The following DGKI variants were observed in gnomAD, a reference collection of about 807,000 sequenced individuals.
DGKI encodes the protein DAG kinase iota.
Under a neutral mutation model 147.5 loss-of-function variants are expected in DGKI, and 55 were observed. That is an observed-to-expected ratio of 0.37 (90% CI 0.30 to 0.47). DGKI has a LOEUF of 0.47. DGKI is among the 20% of genes least tolerant of loss of function. The pLI, the probability that DGKI is intolerant of heterozygous loss-of-function variation, is 1.00. For synonymous variants in DGKI, 469 were observed against 477.1 expected (o/e 0.98, Z 0.22); for missense variants, 1,007 against 1,323.8 (o/e 0.76, Z 3.71).
intron 1 of DGKI, among the ~76,000 whole-genome samples, chr7:137,792,786 C>T (rs149891880): frequency 5.5e-4 from 84 of 152,318 alleles, no homozygotes; most frequent in Admixed American, 1.8e-3. Flanking sequence ...CTCCCTCTTT[C>T]ACCATGTGAC....
Position 137,846,590 on chromosome 7 carries a change from G to A in DGKI, c.273C>T (p.Gly91=), listed in dbSNP as rs772268017. Reference sequence around the variant, plus strand: ...CCCCCGCCGCCGCGGCTGACCCTGCGCCCCGCGGGTCCGCGCCGCCCTCGG... The same window carrying A: ...CCCCCGCCGCCGCGGCTGACCCTGCACCCCGCGGGTCCGCGCCGCCCTCGG... The part of the protein sequence containing the change: ...LGAEGGADPR[G]AGSAAAAGAA... The change falls in exon 1 of 33, where the codon GGC becomes GGT. Residue 91 remains glycine (G), a synonymous_variant. Transcript: ENST00000614521. The surrounding 1 kb of genome is among the most constrained non-coding windows in gnomAD (Gnocchi z 4.0). 8.4e-7 allele frequency: 1 copy of A among 1,192,192 alleles called. No individual in the cohort carries two copies. The highest frequency in any genetic ancestry group is 2.7e-5 in the South Asian group (1 of 36,548). 73.9% of individuals were successfully genotyped at this position (1,192,192 alleles called of 1,614,324 possible).
In DGKI at chr7:137,381,102, A is replaced by G. The variant is rs940519502; in HGVS notation, c.*10118T>C. ...CACAATACAGAAAAAGTGTCCAAAA[A>G]GTAACTGTAACTAGTCAATTTCTTT... On this transcript the variant is annotated 3_prime_UTR_variant, in exon 33 of 33. Coordinates refer to ENST00000614521, the MANE Select transcript of DGKI (RefSeq NM_001321708.2). The G allele has an allele frequency of 2.0e-5, 3 of 152,156 alleles. No homozygotes were observed. The highest frequency in any genetic ancestry group is 4.4e-5 in the Non-Finnish European group (3 of 68,002). 9.4% of individuals were successfully genotyped at this position (152,156 alleles called of 1,614,324 possible). A position where few individuals can be genotyped will look rare whatever the true frequency, so the allele number is the denominator to read the frequency against.
intron 21 of DGKI, among the ~76,000 whole-genome samples, chr7:137,511,822 T>G (rs1816590204): frequency 6.6e-6 from 1 of 152,206 alleles, no homozygotes; most frequent in Non-Finnish European, 1.5e-5. Flanking sequence ...AGCTGAGTCC[T>G]TCTCCAGAAA....
chr7:137,466,880 A>G (rs1814681189), intron 25 of DGKI, 22 bp downstream of exon 25: 1 of 1,613,564 alleles, frequency 6.2e-7, no homozygotes, highest in Non-Finnish European at 8.5e-7. Context: ...CACTTTCACA[A>G]GCAGGCTGGA....
chr7:137,486,312 C>G (rs1815557249), intron 22 of DGKI, among the ~76,000 whole-genome samples: 1 of 151,874 alleles, frequency 6.6e-6, no homozygotes, highest in South Asian at 2.1e-4. Context: ...TAATATTATT[C>G]TACTGTGAAG....
intron 29 of DGKI, among the ~76,000 whole-genome samples, chr7:137,408,722 A>C (rs1277371639): frequency 2.0e-5 from 3 of 152,206 alleles, no homozygotes; most frequent in African/African-American, 7.2e-5. Flanking sequence ...GAAAAAAAAA[A>C]CAAAACAGAA....
intron 2 of DGKI, 146 bp from the exon 3 acceptor site, chr7:137,678,798 G>A: frequency 1.4e-6 from 1 of 699,266 alleles, no homozygotes; most frequent in Non-Finnish European, 2.4e-6. Context: ...TACTGCTAGA[G>A]TTGATTCTCC....
intron 1 of DGKI, among the ~76,000 whole-genome samples, chr7:137,803,468 C>A (rs2116970173): frequency 6.6e-6 from 1 of 152,276 alleles, no homozygotes; most frequent in South Asian, 2.1e-4. Context: ...TTCACATTTT[C>A]TAAGTTATGT....
intron 1 of DGKI, among the ~76,000 whole-genome samples, chr7:137,841,298 T>G (rs796976797): frequency 2.6e-5 from 4 of 152,350 alleles, no homozygotes; most frequent in African/African-American, 9.6e-5. Context: ...GTATTTTTAT[T>G]TCTCCAATTA....
At chr7:137,521,326 G>A (rs1289003921) in intron 21 of DGKI, among the ~76,000 whole-genome samples, 2 of 152,022 alleles carry the variant, frequency 1.3e-5, no homozygotes, top group African/African-American at 2.4e-5. Flanking sequence ...TAATTCATAC[G>A]TCGACTCAAG....
intron 28 of DGKI, among the ~76,000 whole-genome samples, chr7:137,426,897 A>C (rs996716064): frequency 6.6e-6 from 1 of 151,996 alleles, no homozygotes; most frequent in Non-Finnish European, 1.5e-5. Context: ...CAGATTCATA[A>C]AGCAAGTCCT....
chr7:137,483,237 C>T lies in DGKI; in HGVS notation c.2373+2137G>A, dbSNP rs140539950. On this transcript the variant is annotated intron_variant, in intron 23 of 32. Coordinates refer to ENST00000614521, the MANE Select transcript of DGKI (RefSeq NM_001321708.2). Reference sequence around the variant, plus strand: ...ACTCTCACACCAAAAATGACTACATCGTATAAGCCAGGAATAATAAATAAA... The same window carrying T: ...ACTCTCACACCAAAAATGACTACATTGTATAAGCCAGGAATAATAAATAAA... Among the ~76,000 whole-genome samples the T allele has an allele frequency of 4.4e-3, 672 of 152,074 alleles. 19 individuals carry two copies. The highest frequency in any genetic ancestry group is 0.026 in the Admixed American group (400 of 15,258).
At chr7:137,600,537 G>A (rs1051139887) in intron 10 of DGKI, among the ~76,000 whole-genome samples, 11 of 152,186 alleles carry the variant, frequency 7.2e-5, no homozygotes, top group Admixed American at 5.2e-4. Flanking sequence ...TGTTTAAAAT[G>A]CAGTAAGCCC....
At chr7:137,708,155 C>T (rs551753273) in intron 1 of DGKI, among the ~76,000 whole-genome samples, 1 of 152,338 alleles carries the variant, frequency 6.6e-6, no homozygotes, top group Non-Finnish European at 1.5e-5. Context: ...TGCCAGATAG[C>T]CAGGTCGCCA....
chr7:137,577,281 C>T lies in DGKI; in HGVS notation c.1702G>A (p.Ala568Thr). ...CTTCTCTGTAGGAAGTCAGAAAAAG[C>T]TGCCTATACCACAGGGAAATAAAGA... ...FRNKMFYAGA[A>T]FSDFLQRSSR... Residue 568 changes from alanine (A) to threonine (T), a missense_variant, in exon 17 of 33, where the codon GCT (alanine) becomes ACT (threonine). This residue lies in a region of DGKI where 224 missense variants were observed against 382.7 expected (regional missense o/e 0.59). Transcript: ENST00000614521. The T allele has an allele frequency of 6.3e-7, 1 of 1,595,958 alleles. No individual in the cohort carries two copies. Among genetic ancestry groups the T allele is most frequent in the Non-Finnish European group, 8.6e-7 (1 of 1,167,712 alleles).
At chr7:137,423,576 T>G (rs1224840716) in intron 28 of DGKI, among the ~76,000 whole-genome samples, 1 of 152,200 alleles carries the variant, frequency 6.6e-6, no homozygotes, top group Non-Finnish European at 1.5e-5. Flanking sequence ...AAAAAGATTA[T>G]AAGCTTATAA....
intron 3 of DGKI, among the ~76,000 whole-genome samples, chr7:137,662,886 G>A (rs1379430475): frequency 6.6e-6 from 1 of 152,216 alleles, no homozygotes; most frequent in Admixed American, 6.5e-5. Context: ...ATAAGGGATG[G>A]TGCCAAAAGT....
chr7:137,486,878 C>G (rs1250275278), intron 22 of DGKI, among the ~76,000 whole-genome samples: 2 of 151,906 alleles, frequency 1.3e-5, no homozygotes, highest in African/African-American at 4.8e-5. Context: ...CTAGGCCACA[C>G]CCAAGAAAAG....
At chr7:137,825,513 T>C (rs1466632804) in intron 1 of DGKI, among the ~76,000 whole-genome samples, 1 of 152,182 alleles carries the variant, frequency 6.6e-6, no homozygotes, top group Non-Finnish European at 1.5e-5. Flanking sequence ...AGCCTCATTT[T>C]TCAGATGAGG....
Sources: gnomAD v4.1 joint callset for allele counts (sites outside exome capture counted in the v4.1 genomes callset) on GRCh38, gnomAD v4.1.1 for gene constraint, gnomAD v4.1.1 regional missense constraint, Gnocchi (gnomAD v3.1) non-coding constraint, MANE v1.5 for transcripts, NCBI Gene and HGNC (gene_info 2026-07-23, HGNC 2026-07-21) for gene names.